Variants in TTC29 observed in about 807,000 individuals in gnomAD.
TTC29 encodes the protein tetratricopeptide repeat domain 29.
In TTC29, 49 loss-of-function variants were observed where a neutral mutation model predicts 58.1. That is an observed-to-expected ratio of 0.84 (90% CI 0.67 to 1.07). The LOEUF (loss-of-function observed/expected upper bound fraction) is 1.07. Among genes scored for constraint, TTC29 ranks in the 50% least tolerant of loss-of-function variants. The pLI, the probability that TTC29 is intolerant of heterozygous loss-of-function variation, is 0.00. For missense variants in TTC29, 582 were observed against 555.6 expected (o/e 1.05, Z -0.48); for synonymous variants, 209 against 196.8 (o/e 1.06, Z -0.52).
At chr4:146,937,504 T>C (rs1419820884) in intron 4 of TTC29, 90 bp downstream of exon 4, 9 of 835,116 alleles carry the variant, frequency 1.1e-5, no homozygotes, top group Admixed American at 3.2e-5. Flanking sequence ...AATGAAAAAG[T>C]ATATTACACA....
intron 11 of TTC29, among the ~76,000 whole-genome samples, chr4:146,715,455 T>A (rs910364405): frequency 7.9e-5 from 12 of 152,140 alleles, no homozygotes; most frequent in Admixed American, 7.9e-4. Context: ...ATCCTGTCAT[T>A]TGCCACCACA....
At chr4:146,731,433 GCAT>G (rs1744326524) in intron 11 of TTC29, among the ~76,000 whole-genome samples, 1 of 152,152 alleles carries the variant, frequency 6.6e-6, no homozygotes. Context: ...AGCTAGCACT[GCAT>G]AGCTGTATGT....
intron 8 of TTC29, among the ~76,000 whole-genome samples, chr4:146,849,080 G>A (rs962086460): frequency 1.3e-5 from 2 of 152,076 alleles, no homozygotes; most frequent in African/African-American, 2.4e-5. Context: ...GTATGCCTGA[G>A]TCAGCAGTCT....
intron 7 of TTC29, among the ~76,000 whole-genome samples, chr4:146,872,898 G>A (rs1478964766): frequency 2.0e-5 from 3 of 151,982 alleles, no homozygotes; most frequent in Admixed American, 2.0e-4. Flanking sequence ...CAAGATCTTT[G>A]AAAAGTTGTA....
At chr4:146,872,119 T>C (rs979030937) in intron 7 of TTC29, among the ~76,000 whole-genome samples, 6 of 152,076 alleles carry the variant, frequency 3.9e-5, no homozygotes, top group African/African-American at 1.2e-4. Context: ...AATGATTTTA[T>C]GTAGGGTATC....
intron 11 of TTC29, among the ~76,000 whole-genome samples, chr4:146,776,122 T>C (rs1346883077): frequency 6.6e-6 from 1 of 152,242 alleles, no homozygotes; most frequent in Non-Finnish European, 1.5e-5. Flanking sequence ...TTAAAGTGAA[T>C]TCTTCAGCTC....
chr4:146,767,434 C>T (rs1404921671), intron 11 of TTC29, among the ~76,000 whole-genome samples: 5 of 151,960 alleles, frequency 3.3e-5, no homozygotes, highest in African/African-American at 1.2e-4. Context: ...TGTTTTGTCC[C>T]ATTGCTTCAG....
chr4:146,858,612 C>T (rs1390238716), intron 8 of TTC29, among the ~76,000 whole-genome samples: 1 of 152,130 alleles, frequency 6.6e-6, no homozygotes, highest in Non-Finnish European at 1.5e-5. Flanking sequence ...GATCATCTAG[C>T]ACTTCGGAAA....
At chr4:146,707,647 T>C in intron 11 of TTC29, 96 bp from the exon 12 acceptor site, 1 of 820,878 alleles carries the variant, frequency 1.2e-6, no homozygotes, top group South Asian at 1.6e-5. Context: ...GGGATATCTG[T>C]CCTTATCACC....
chr4:146,847,999 T>C (rs1461179336), intron 8 of TTC29, among the ~76,000 whole-genome samples: 2 of 152,184 alleles, frequency 1.3e-5, no homozygotes, highest in African/African-American at 4.8e-5. Flanking sequence ...TCCTCCCCTA[T>C]GCATTTTTTT....
At chr4:146,866,391 T>C (rs1255517158) in intron 8 of TTC29, among the ~76,000 whole-genome samples, 2 of 152,170 alleles carry the variant, frequency 1.3e-5, no homozygotes, top group South Asian at 4.1e-4. Context: ...ACTCTCATGT[T>C]TTCTACATGT....
At chr4:146,715,908 A>G (rs908552687) in intron 11 of TTC29, among the ~76,000 whole-genome samples, 2 of 152,198 alleles carry the variant, frequency 1.3e-5, no homozygotes, top group Non-Finnish European at 2.9e-5. Context: ...TAATGTGTCA[A>G]CTAAAAATAA....
At chr4:146,837,503 T>A (rs959294766) in intron 8 of TTC29, among the ~76,000 whole-genome samples, 20 of 152,114 alleles carry the variant, frequency 1.3e-4, no homozygotes, top group Non-Finnish European at 2.9e-4. Context: ...AAAAGTTTTT[T>A]AAAAAGATAC....
At chr4:146,894,280 C>G (rs969267661) in intron 6 of TTC29, among the ~76,000 whole-genome samples, 1 of 151,954 alleles carries the variant, frequency 6.6e-6, no homozygotes, top group Non-Finnish European at 1.5e-5. Flanking sequence ...GGAACCAACC[C>G]AAACGTCCAA....
chr4:146,883,395 T>C (rs944472306), intron 6 of TTC29, among the ~76,000 whole-genome samples: 3 of 128,474 alleles, frequency 2.3e-5, no homozygotes, highest in African/African-American at 5.2e-5. Flanking sequence ...ATAGTTTCTT[T>C]TTGTTTTTTT....
intron 11 of TTC29, 126 bp from the exon 12 acceptor site, chr4:146,707,677 T>TACA: frequency 1.6e-6 from 1 of 620,478 alleles, no homozygotes; most frequent in Non-Finnish European, 2.8e-6. Flanking sequence ...AGGGTGTATG[T>TACA]ATCACCAGGG....
At chr4:146,898,810 T>C (rs886173604) in intron 6 of TTC29, among the ~76,000 whole-genome samples, 3 of 152,102 alleles carry the variant, frequency 2.0e-5, no homozygotes, top group Non-Finnish European at 4.4e-5. Flanking sequence ...CCCACTGGAA[T>C]TGGGAGAAGG....
chr4:146,751,281 C>T (rs1273167868), intron 11 of TTC29, among the ~76,000 whole-genome samples: 1 of 151,936 alleles, frequency 6.6e-6, no homozygotes, highest in Non-Finnish European at 1.5e-5. Context: ...ATTTCAATAC[C>T]CCACTTTAAA....
chr4:146,724,704 G>A (rs946746689), intron 11 of TTC29, among the ~76,000 whole-genome samples: 5 of 151,902 alleles, frequency 3.3e-5, no homozygotes, highest in Admixed American at 2.0e-4. Context: ...AGTAGAGACG[G>A]GGTTTCACCA....
Sources: allele counts gnomAD v4.1 joint callset (sites outside exome capture counted in the v4.1 genomes callset), GRCh38; gene constraint gnomAD v4.1.1; transcripts MANE v1.5; gene names NCBI Gene and HGNC (gene_info 2026-07-23, HGNC 2026-07-21).